PTPRD: variants seen among roughly 807,000 people sequenced by gnomAD.
PTPRD encodes the protein protein tyrosine phosphatase receptor type D, also known as receptor-type tyrosine-protein phosphatase delta.
A neutral mutation model predicts 214.5 loss-of-function variants in PTPRD; 34 were observed. That is an observed-to-expected ratio of 0.16 (90% CI 0.12 to 0.21). PTPRD has a LOEUF of 0.21. Ranked by LOEUF, PTPRD falls within the 10% of genes least tolerant of loss-of-function variation. The pLI, the probability that PTPRD is intolerant of heterozygous loss-of-function variation, is 1.00. For missense variants in PTPRD, 2,545 were observed against 2,398.7 expected (o/e 1.06, Z -1.27); for synonymous variants, 1,128 against 845.7 (o/e 1.33, Z -5.79).
intron 3 of PTPRD, among the ~76,000 whole-genome samples, chr9:10,308,935 A>T (rs2096179048): frequency 6.6e-6 from 1 of 152,112 alleles, no homozygotes; most frequent in African/African-American, 2.4e-5. Flanking sequence ...CCTTATGATT[A>T]AAATTATTAC....
intron 10 of PTPRD, among the ~76,000 whole-genome samples, chr9:9,175,424 C>T (rs1310594660): frequency 6.6e-6 from 1 of 151,806 alleles, no homozygotes; most frequent in African/African-American, 2.4e-5. Flanking sequence ...AGTTCGAGAC[C>T]AGTCTGGCAA....
chr9:10,123,802 C>T (rs1388352562), intron 3 of PTPRD, among the ~76,000 whole-genome samples: 1 of 152,166 alleles, frequency 6.6e-6, no homozygotes, highest in African/African-American at 2.4e-5. Context: ...GTTTTAGTTA[C>T]ATTATGGCTT....
chr9:9,606,271 C>G (rs2094148059), intron 7 of PTPRD, among the ~76,000 whole-genome samples: 2 of 152,058 alleles, frequency 1.3e-5, no homozygotes, highest in African/African-American at 4.8e-5. Flanking sequence ...ACAACAGACC[C>G]TGGAGCTATT....
intron 2 of PTPRD, among the ~76,000 whole-genome samples, chr9:10,424,360 G>C (rs1383410363): frequency 6.7e-6 from 1 of 149,052 alleles, no homozygotes; most frequent in African/African-American, 2.5e-5. Flanking sequence ...TATGAGATCT[G>C]TTATTATATT....
At chr9:8,934,474 T>TAA (rs1481975228) in intron 11 of PTPRD, among the ~76,000 whole-genome samples, 3 of 25,724 alleles carry the variant, frequency 1.2e-4, no homozygotes, top group South Asian at 1.3e-3. Context: ...AATATATATA[T>TAA]ATAAATATAT....
chr9:9,145,588 C>T lies in PTPRD; in HGVS notation c.-143+37716G>A, dbSNP rs114578200. On this transcript the variant is annotated intron_variant, in intron 10 of 45. Coordinates refer to ENST00000381196, the MANE Select transcript of PTPRD (RefSeq NM_002839.4). ...CACCCCCAACCCGAATTTTAAAAAGCTGCTAGGCCAATAATAACAGGAATC... is the reference window on the plus strand; with the variant it reads ...CACCCCCAACCCGAATTTTAAAAAGTTGCTAGGCCAATAATAACAGGAATC... Among the ~76,000 whole-genome samples the T allele has an allele frequency of 7.9e-3, 1,201 of 152,044 alleles. 11 individuals are homozygous for T. Among genetic ancestry groups the T allele is most frequent in the African/African-American group, 0.027 (1,129 of 41,482 alleles).
intron 8 of PTPRD, among the ~76,000 whole-genome samples, chr9:9,401,386 T>A (rs1038081298): frequency 5.3e-5 from 8 of 152,022 alleles, no homozygotes; most frequent in Admixed American, 5.3e-4. Flanking sequence ...TTCCTTTTTC[T>A]CATACCAAAA....
intron 12 of PTPRD, among the ~76,000 whole-genome samples, chr9:8,653,259 G>A (rs2096847623): frequency 6.6e-6 from 1 of 152,066 alleles, no homozygotes; most frequent in Admixed American, 6.5e-5. Context: ...CTACATAAAT[G>A]GCCTCTGGGG....
At chr9:10,294,820 A>C (rs979890726) in intron 3 of PTPRD, among the ~76,000 whole-genome samples, 3 of 151,972 alleles carry the variant, frequency 2.0e-5, no homozygotes, top group African/African-American at 7.2e-5. Flanking sequence ...TGATATCTGT[A>C]ACCTAAATGA....
intron 8 of PTPRD, among the ~76,000 whole-genome samples, chr9:9,528,463 A>AC (rs1337653554): frequency 3.9e-5 from 6 of 152,204 alleles, no homozygotes; most frequent in African/African-American, 7.2e-5. Flanking sequence ...AAGCTTTAAA[A>AC]AAAAAGATTG....
intron 8 of PTPRD, among the ~76,000 whole-genome samples, chr9:9,544,434 T>G (rs1379367161): frequency 6.6e-6 from 1 of 151,646 alleles, no homozygotes; most frequent in Non-Finnish European, 1.5e-5. Flanking sequence ...CACACATTTC[T>G]TAACCTTTTT....
At chr9:9,076,004 T>G (rs768043370) in intron 10 of PTPRD, among the ~76,000 whole-genome samples, 1 of 152,188 alleles carries the variant, frequency 6.6e-6, no homozygotes, top group Non-Finnish European at 1.5e-5. Flanking sequence ...CCACAATGGT[T>G]GAACTAGTTT....
intron 2 of PTPRD, among the ~76,000 whole-genome samples, chr9:10,357,865 T>C (rs934959057): frequency 3.3e-5 from 5 of 152,188 alleles, no homozygotes; most frequent in African/African-American, 7.2e-5. Context: ...TGGGGACTTT[T>C]TGGTACTGTA....
chr9:9,056,706 A>G (rs1055345867), intron 10 of PTPRD, among the ~76,000 whole-genome samples: 1 of 152,202 alleles, frequency 6.6e-6, no homozygotes, highest in African/African-American at 2.4e-5. Flanking sequence ...ATTCAACGAC[A>G]CTAATCTTCT....
chr9:8,643,574 A>C (rs72698293), intron 12 of PTPRD, among the ~76,000 whole-genome samples: 26,039 of 152,034 alleles, frequency 0.17, 2,946 homozygotes, highest in African/African-American at 0.32. Context: ...GGAAGCGGGG[A>C]ATAGGGGACC....
intron 10 of PTPRD, among the ~76,000 whole-genome samples, chr9:9,180,333 A>C (rs1408206515): frequency 6.6e-6 from 1 of 151,694 alleles, no homozygotes; most frequent in African/African-American, 2.4e-5. Context: ...CATTCTCAGC[A>C]AACTATCGCA....
At chr9:8,879,348 G>C (rs1176149212) in intron 11 of PTPRD, among the ~76,000 whole-genome samples, 1 of 152,178 alleles carries the variant, frequency 6.6e-6, no homozygotes, top group African/African-American at 2.4e-5. Flanking sequence ...CATACAATGT[G>C]ATTGGGCCCA....
chr9:9,104,146 C>T (rs2154443776), intron 10 of PTPRD, among the ~76,000 whole-genome samples: 1 of 152,132 alleles, frequency 6.6e-6, no homozygotes, highest in East Asian at 1.9e-4. Context: ...ATACTTTAGG[C>T]TTTGTGGGCT....
intron 3 of PTPRD, among the ~76,000 whole-genome samples, chr9:10,205,727 G>C (rs926479528): frequency 1.3e-5 from 2 of 151,936 alleles, no homozygotes. Context: ...CTAAATAATA[G>C]CAATACAGTC....
Sources: allele counts gnomAD v4.1 joint callset (sites outside exome capture counted in the v4.1 genomes callset), GRCh38; gene constraint gnomAD v4.1.1; transcripts MANE v1.5; gene names NCBI Gene and HGNC (gene_info 2026-07-23, HGNC 2026-07-21).